CEP83: variants seen among roughly 807,000 people sequenced by gnomAD.
CEP83 encodes the protein centrosomal protein 83.
Under a neutral mutation model 101.9 loss-of-function variants are expected in CEP83, and 70 were observed. The observed-to-expected ratio is 0.69, with a 90% CI of 0.57 to 0.84. The LOEUF (loss-of-function observed/expected upper bound fraction) is 0.84. Ranked by LOEUF, CEP83 falls within the 40% of genes least tolerant of loss-of-function variation. CEP83 has a pLI of 0.00. For missense variants in CEP83, 715 were observed against 787.2 expected (o/e 0.91, Z 1.10); for synonymous variants, 264 against 267.9 (o/e 0.99, Z 0.14).
intron 11 of CEP83, among the ~76,000 whole-genome samples, chr12:94,342,549 A>T (rs1404990564): frequency 6.6e-6 from 1 of 152,228 alleles, no homozygotes; most frequent in African/African-American, 2.4e-5. Context: ...CCGCCTGCAC[A>T]TCTTTGCAGG....
chr12:94,333,751 T>G, intron 12 of CEP83, 112 bp from the exon 13 acceptor site: 1 of 990,984 alleles, frequency 1.0e-6, no homozygotes, highest in Non-Finnish European at 1.5e-6. Context: ...CTCAAGCTGG[T>G]GTGTCCTTGG....
At chr12:94,299,715 G>A in the CEP83 span, among the ~76,000 whole-genome samples, 1 of 151,994 alleles carries the variant, frequency 6.6e-6, no homozygotes, top group East Asian at 1.9e-4. Flanking sequence ...GCATGCCACC[G>A]CACTCAGCTA....
At chr12:94,428,297 G>A (rs1168226429) in intron 2 of CEP83, among the ~76,000 whole-genome samples, 4 of 152,098 alleles carry the variant, frequency 2.6e-5, no homozygotes, top group Admixed American at 2.6e-4. Context: ...ACAATAACAT[G>A]GGGACTTTCC....
intron 1 of CEP83, among the ~76,000 whole-genome samples, chr12:94,439,550 T>G (rs7974840): frequency 2.9e-4 from 43 of 147,034 alleles, no homozygotes; most frequent in Middle Eastern, 3.4e-3. Context: ...ACAAAAAAAA[T>G]GCCAACAAAA....
intron 13 of CEP83, among the ~76,000 whole-genome samples, chr12:94,333,064 A>C (rs1052331095): frequency 5.9e-5 from 9 of 151,290 alleles, no homozygotes; most frequent in African/African-American, 1.9e-4. Flanking sequence ...AAAAAAAAAA[A>C]ACAAATAAAT....
At chr12:94,397,224 G>A (rs1323522977) in intron 6 of CEP83, among the ~76,000 whole-genome samples, 1 of 152,206 alleles carries the variant, frequency 6.6e-6, no homozygotes, top group Non-Finnish European at 1.5e-5. Context: ...ATGGCCAGAT[G>A]TGGTAGCTCA....
intron 2 of CEP83, among the ~76,000 whole-genome samples, chr12:94,422,430 A>G (rs1164362409): frequency 6.6e-6 from 1 of 152,212 alleles, no homozygotes; most frequent in Non-Finnish European, 1.5e-5. Context: ...AACACAAATC[A>G]CTAGGCAATA....
In CEP83 at chr12:94,309,977, T is replaced by C. The variant is rs775771225; in HGVS notation, c.1942A>G (p.Ser648Gly). 2.5e-5 allele frequency: 40 copies of C among 1,611,866 alleles called. 1 individual carries two copies. In the South Asian group the frequency reaches 4.3e-4, roughly 17 times the overall value. The stretch of plus-strand genomic sequence containing the variant: ...GGAACCATGGCTGATGACTGAAAGC[T>C]AACAGGATTGATAGATGCTGTTGGA... ...MPPTASINPV[S>G]FQSSAMVPSM... is the part of the protein sequence containing the mutation. Residue 648 changes from serine to glycine, a missense_variant, in exon 16 of 17, where the codon AGC becomes GGC. By Grantham distance (56) the Ser-to-Gly change is moderately conservative (BLOSUM62 0). Transcript: ENST00000397809.
intron 1 of CEP83, among the ~76,000 whole-genome samples, chr12:94,445,898 A>T (rs2066764660): frequency 6.6e-6 from 1 of 152,230 alleles, no homozygotes. Context: ...GGCTCTAGCC[A>T]CCAGAAAGCC....
chr12:94,378,772 G>A lies in CEP83; in HGVS notation c.801+19C>T. On this transcript the variant is annotated intron_variant, in intron 7 of 16. Transcript: ENST00000397809. ...AAAAAAGTATGCCATACTCTACTGG[G>A]AAGTAATTAGAATCTTACCTCCAGG... 1.9e-6 allele frequency: 3 copies of A among 1,613,122 alleles called. No individual in the cohort carries two copies. Among genetic ancestry groups the A allele is most frequent in the Non-Finnish European group, 2.5e-6 (3 of 1,179,402 alleles).
chr12:94,419,922 A>C (rs903495185), intron 2 of CEP83, among the ~76,000 whole-genome samples: 40 of 152,208 alleles, frequency 2.6e-4, no homozygotes, highest in Admixed American at 2.6e-3. Flanking sequence ...TCAGTAACTC[A>C]AGGCAGGAAA....
downstream of CEP83, chr12:94,307,401 A>G (rs867611198): frequency 1.2e-4 from 18 of 152,194 alleles, no homozygotes; most frequent in South Asian, 2.1e-4. Context: ...GCTGAAGACA[A>G]TCAGTCACTG....
At chr12:94,351,358 C>G (rs547813176) in intron 11 of CEP83, among the ~76,000 whole-genome samples, 1 of 152,174 alleles carries the variant, frequency 6.6e-6, no homozygotes, top group Admixed American at 6.5e-5. Flanking sequence ...TGGGTCCCCC[C>G]ACTCCCTGTG....
the CEP83 span, among the ~76,000 whole-genome samples, chr12:94,274,015 C>G: frequency 6.6e-6 from 1 of 151,930 alleles, no homozygotes; most frequent in Admixed American, 6.6e-5. Context: ...GCTACTCCCC[C>G]TTTTGTTTGG....
Position 94,370,053 on chromosome 12 carries a change from A to T in CEP83, c.934-17T>A. 7.3e-7 allele frequency: 1 copy of T among 1,375,862 alleles called. No individual in the cohort carries two copies. Among genetic ancestry groups the T allele is most frequent in the Non-Finnish European group, 1.0e-6 (1 of 966,276 alleles). 85.2% of individuals were successfully genotyped at this position (1,375,862 alleles called of 1,614,324 possible). On this transcript the variant is annotated splice_polypyrimidine_tract_variant and intron_variant, in intron 8 of 16. Coordinates refer to ENST00000397809, the MANE Select transcript of CEP83 (RefSeq NM_016122.3). Reference sequence around the variant, plus strand: ...TTCTTTTACCTGTTGATAATTAAAAACTGAAATTACTATTGGTCATTTTCT... The same window carrying T: ...TTCTTTTACCTGTTGATAATTAAAATCTGAAATTACTATTGGTCATTTTCT...
rs202111595 is a variant in CEP83, at chr12:94,308,805, C to T, written c.*8G>A. On this transcript the variant is annotated 3_prime_UTR_variant, in exon 17 of 17. Transcript: ENST00000397809. Reference sequence around the variant, plus strand: ...CACCTCTTTTGATCTGCCTGTTCTCCAAGAACATCATTCTCCGGAAGATCC... The same window carrying T: ...CACCTCTTTTGATCTGCCTGTTCTCTAAGAACATCATTCTCCGGAAGATCC... The T allele has an allele frequency of 3.0e-4, 478 of 1,580,354 alleles. 2 individuals carry two copies. The highest frequency in any genetic ancestry group is 4.8e-4 in the South Asian group (43 of 90,224).
At position 94,331,790 on chromosome 12, in the gene CEP83, C is replaced by T. The variant is rs768090182; in HGVS notation, c.1617G>A (p.Lys539=). Residue 539 remains lysine, a synonymous_variant, in exon 14 of 17, where the codon AAG becomes AAA. Coordinates refer to ENST00000397809, the MANE Select transcript of CEP83 (RefSeq NM_016122.3). ...CTGTGATACGCTCATGAAGCTTATG[C>T]TTTTCTTCCAACCACTGTATCTGTT... The part of the protein sequence containing the change: ...EEKQIQWLEE[K]HKLHERITDR... 45 of 1,612,692 alleles carry T rather than the reference C, an allele frequency of 2.8e-5. No homozygotes were observed. Among genetic ancestry groups the T allele is most frequent in the Admixed American group, 1.2e-4 (7 of 59,996 alleles).
At chr12:94,283,175 G>A in the CEP83 span, among the ~76,000 whole-genome samples, 2 of 152,150 alleles carry the variant, frequency 1.3e-5, no homozygotes, top group Non-Finnish European at 2.9e-5. Context: ...GGAGAGACAA[G>A]TAGAGTCAAC....
rs1323624236 is a variant in CEP83, at chr12:94,456,363, T to C, written c.-155+3194A>G. 2.0e-5 allele frequency among the ~76,000 whole-genome samples: 3 copies of C among 152,198 alleles called. No homozygotes were observed. The East Asian group carries it at 5.8e-4, about 29-fold the overall frequency. Reference sequence around the variant, plus strand: ...CTGTTGCCATTTCCCCTTCACTTACTCTCTTCTCTCAACAACCTTACTTTC... The same window carrying C: ...CTGTTGCCATTTCCCCTTCACTTACCCTCTTCTCTCAACAACCTTACTTTC... On this transcript the variant is annotated intron_variant, in intron 1 of 16. Transcript: ENST00000397809.
Sources: gnomAD v4.1 joint callset for allele counts (sites outside exome capture counted in the v4.1 genomes callset) on GRCh38, gnomAD v4.1.1 for gene constraint, MANE v1.5 for transcripts, NCBI Gene and HGNC (gene_info 2026-07-23, HGNC 2026-07-21) for gene names.